PIK3C2G: variants seen among roughly 807,000 people sequenced by gnomAD.
PIK3C2G encodes phosphatidylinositol 3-kinase C2 domain-containing subunit gamma.
A neutral mutation model predicts 181.1 loss-of-function variants in PIK3C2G; 168 were observed. That is an observed-to-expected ratio of 0.93 (90% CI 0.82 to 1.05). The LOEUF is 1.05. PIK3C2G is among the 50% of genes least tolerant of loss of function. PIK3C2G has a pLI of 0.00. For synonymous variants in PIK3C2G, 573 were observed against 592.2 expected (o/e 0.97, Z 0.47); for missense variants, 1,869 against 1,732.8 (o/e 1.08, Z -1.40).
intron 1 of PIK3C2G, among the ~76,000 whole-genome samples, chr12:18,270,319 T>C (rs1321325909): frequency 3.9e-5 from 6 of 152,196 alleles, no homozygotes; most frequent in Non-Finnish European, 8.8e-5. Flanking sequence ...ACTAATTTAC[T>C]CAGAGTCATG....
rs148640163 is a variant in PIK3C2G at position 18,415,422 on chromosome 12, G to A, written c.2316-5519G>A. On this transcript the variant is annotated intron_variant, in intron 16 of 32. Coordinates refer to ENST00000538779, the MANE Select transcript of PIK3C2G (RefSeq NM_001288772.2). Reference sequence around the variant, plus strand: ...TACAGAGTGAACTTAGTCCATTAATGTTGTGTGTGTTCTGACTCTTCCACC... The same window carrying A: ...TACAGAGTGAACTTAGTCCATTAATATTGTGTGTGTTCTGACTCTTCCACC... Among the ~76,000 whole-genome samples, 9 of 152,312 alleles carry A rather than the reference G, an allele frequency of 5.9e-5. No homozygotes were observed. In the East Asian group the frequency reaches 1.7e-3, roughly 29 times the overall value.
At chr12:18,565,006 T>C (rs118107948) in intron 28 of PIK3C2G, among the ~76,000 whole-genome samples, 27 of 152,340 alleles carry the variant, frequency 1.8e-4, no homozygotes, top group Non-Finnish European at 3.7e-4. Context: ...GCTTTGCTCA[T>C]TACTGCTGCC....
chr12:18,640,384 T>C lies in PIK3C2G; in HGVS notation c.4183-45T>C. Reference sequence around the variant, plus strand: ...TTTAGTAGCTCTGTATTTGTTTTCTTTGATAGCAACATGCATTAATATTTA... The same window carrying C: ...TTTAGTAGCTCTGTATTTGTTTTCTCTGATAGCAACATGCATTAATATTTA... On this transcript the variant is annotated intron_variant, in intron 31 of 32. Coordinates refer to ENST00000538779, the MANE Select transcript of PIK3C2G (RefSeq NM_001288772.2). 1.9e-6 allele frequency: 3 copies of C among 1,561,998 alleles called. No individual in the cohort carries two copies. In the South Asian group the frequency reaches 3.5e-5, roughly 18 times the overall value.
At chr12:18,720,372 G>A in the PIK3C2G span, among the ~76,000 whole-genome samples, 1 of 151,532 alleles carries the variant, frequency 6.6e-6, no homozygotes, top group African/African-American at 2.4e-5. Context: ...TCTGTATGGT[G>A]CATGCCTAGG....
At position 18,314,034 on chromosome 12, in the gene PIK3C2G, T is replaced by G; in HGVS notation, c.1107T>G (p.Ser369Arg). The G allele has an allele frequency of 6.3e-7, 1 of 1,582,186 alleles. No individual in the cohort carries two copies. The highest frequency in any genetic ancestry group is 8.6e-7 in the Non-Finnish European group (1 of 1,161,140). ...KSVIQLHLQKSREAPGKLSRK... is the reference protein window; with the variant it reads ...KSVIQLHLQKRREAPGKLSRK... ...TTATTCAGCTCCACCTGCAGAAAAGTAGGGAAGCTCCAGGAAAGCTATCTC... is the reference window on the plus strand; with the variant it reads ...TTATTCAGCTCCACCTGCAGAAAAGGAGGGAAGCTCCAGGAAAGCTATCTC... Residue 369 changes from serine (S) to arginine (R), a missense_variant, in exon 6 of 33, where the codon AGT (serine) becomes AGG (arginine). Coordinates refer to ENST00000538779, the MANE Select transcript of PIK3C2G (RefSeq NM_001288772.2).
chr12:18,406,057 G>A lies in PIK3C2G; in HGVS notation c.2315+6210G>A, dbSNP rs186997170. Among the ~76,000 whole-genome samples, 347 of 152,128 alleles carry A rather than the reference G, an allele frequency of 2.3e-3. 1 individual carries two copies. Among genetic ancestry groups the A allele is most frequent in the African/African-American group, 8.1e-3 (336 of 41,506 alleles). ...CATTTCTCCTCTCCCCAAAGCCTCT[G>A]GTAACCACCTTTCCATTCCGTTTTT... On this transcript the variant is annotated intron_variant, in intron 16 of 32. Coordinates refer to ENST00000538779, the MANE Select transcript of PIK3C2G (RefSeq NM_001288772.2).
chr12:18,279,056 T>G (rs1949102860), intron 1 of PIK3C2G, among the ~76,000 whole-genome samples: 1 of 152,078 alleles, frequency 6.6e-6, no homozygotes, highest in South Asian at 2.1e-4. Flanking sequence ...TAAAAAGTTT[T>G]TAACCCTTTT....
At position 18,293,931 on chromosome 12, in the gene PIK3C2G, A is replaced by C. The variant is rs1949821667; in HGVS notation, c.950A>C (p.Glu317Ala). ...TATCTTGTCAAAGATCTAATTGCAGAAATTCTGCATTTTTGCACAAATGAC... is the reference window on the plus strand; with the variant it reads ...TATCTTGTCAAAGATCTAATTGCAGCAATTCTGCATTTTTGCACAAATGAC... ...ANYLVKDLIA[E>A]ILHFCTNDQL... is the part of the protein sequence containing the mutation. The change falls in exon 5 of 33, where the codon GAA (glutamate) becomes GCA (alanine). Residue 317 changes from glutamate to alanine, a missense_variant. Transcript: ENST00000538779. The C allele has an allele frequency of 6.3e-7, 1 of 1,581,488 alleles. No individual in the cohort carries two copies. Among genetic ancestry groups the C allele is most frequent in the Non-Finnish European group, 8.7e-7 (1 of 1,150,468 alleles).
upstream of PIK3C2G, among the ~76,000 whole-genome samples, chr12:18,247,229 T>C (rs111678123): frequency 1.3e-3 from 199 of 152,278 alleles, 1 homozygote; most frequent in South Asian, 6.6e-3. Context: ...TTATAATACT[T>C]AAAAGACTCC....
chr12:18,722,003 A>T, the PIK3C2G span, among the ~76,000 whole-genome samples: 56 of 152,086 alleles, frequency 3.7e-4, no homozygotes, highest in East Asian at 5.2e-3. Context: ...TCTCATTCTC[A>T]AAGTTCTAAC....
At chr12:18,612,850 C>G (rs1468435424) in intron 31 of PIK3C2G, among the ~76,000 whole-genome samples, 1 of 152,002 alleles carries the variant, frequency 6.6e-6, no homozygotes, top group Non-Finnish European at 1.5e-5. Flanking sequence ...TTTATTAAAT[C>G]TATGAAGCTT....
chr12:18,245,867 A>G (rs1948034529), upstream of PIK3C2G, among the ~76,000 whole-genome samples: 1 of 152,104 alleles, frequency 6.6e-6, no homozygotes, highest in Admixed American at 6.6e-5. Context: ...CTAGAATTAG[A>G]GCACTTAAAT....
At chr12:18,315,439 G>A (rs1027426144) in intron 6 of PIK3C2G, among the ~76,000 whole-genome samples, 2 of 152,166 alleles carry the variant, frequency 1.3e-5, no homozygotes, top group Middle Eastern at 3.4e-3. Flanking sequence ...TTGGAGCATG[G>A]GGGAAGAAGA....
intron 25 of PIK3C2G, among the ~76,000 whole-genome samples, chr12:18,539,535 A>C (rs1360966911): frequency 6.6e-6 from 1 of 151,868 alleles, no homozygotes; most frequent in African/African-American, 2.4e-5. Context: ...TTATTAAACA[A>C]AATTTAAAAT....
intron 8 of PIK3C2G, among the ~76,000 whole-genome samples, chr12:18,337,260 C>T (rs1462024886): frequency 6.6e-6 from 1 of 152,038 alleles, no homozygotes; most frequent in Non-Finnish European, 1.5e-5. Context: ...AAGGTCAAAA[C>T]AGAGAAGATT....
chr12:18,272,309 T>G (rs983350053), intron 1 of PIK3C2G, among the ~76,000 whole-genome samples: 1 of 152,144 alleles, frequency 6.6e-6, no homozygotes, highest in East Asian at 1.9e-4. Flanking sequence ...CCTTGGTAAT[T>G]AAATCTAGAG....
the PIK3C2G span, among the ~76,000 whole-genome samples, chr12:18,665,854 G>A: frequency 1.4e-4 from 21 of 151,090 alleles, no homozygotes; most frequent in South Asian, 4.2e-3. Flanking sequence ...GGAATCACTT[G>A]AACCCAGTAG....
At chr12:18,455,670 G>A (rs992902711) in intron 18 of PIK3C2G, among the ~76,000 whole-genome samples, 3 of 151,962 alleles carry the variant, frequency 2.0e-5, no homozygotes, top group Non-Finnish European at 4.4e-5. Flanking sequence ...CTGCTTCACC[G>A]ACAGCTGTCT....
At chr12:18,293,777 C>T (rs1949813826) in intron 4 of PIK3C2G, 124 bp from the exon 5 acceptor site, 2 of 625,954 alleles carry the variant, frequency 3.2e-6, no homozygotes, top group East Asian at 5.7e-5. Flanking sequence ...ATTTAATTCC[C>T]CTTGATGAAG....
Sources: allele counts gnomAD v4.1 joint callset (sites outside exome capture counted in the v4.1 genomes callset), GRCh38; gene constraint gnomAD v4.1.1; transcripts MANE v1.5; gene names NCBI Gene and HGNC (gene_info 2026-07-23, HGNC 2026-07-21).